ZSCAN31: variants seen among roughly 807,000 people sequenced by gnomAD.
ZSCAN31 encodes zinc finger and SCAN domain containing 31.
Under a neutral mutation model 22.5 loss-of-function variants are expected in ZSCAN31, and 14 were observed. The observed-to-expected ratio is 0.62, with a 90% CI of 0.41 to 0.97. The LOEUF is 0.97. ZSCAN31 is among the 50% of genes least tolerant of loss of function. ZSCAN31 has a pLI of 0.00. For synonymous variants in ZSCAN31, 168 were observed against 169.8 expected (o/e 0.99, Z 0.08); for missense variants, 424 against 483.4 (o/e 0.88, Z 1.15).
At chr6:28,336,579 G>C (rs1296945903), upstream of ZSCAN31, among the ~76,000 whole-genome samples, 1 of 151,260 alleles carries the variant, frequency 6.6e-6, no homozygotes, top group Non-Finnish European at 1.5e-5. Flanking sequence ...TGGCTAGTTG[G>C]AACTGTTTGG....
At chr6:28,335,466 G>A (rs73742536) in intron 1 of ZSCAN31, 15,129 of 152,278 alleles carry the variant, frequency 0.099, 1,111 homozygotes, top group East Asian at 0.31. Flanking sequence ...GTATGGACAC[G>A]GTGGGTTCTG....
chr6:28,327,571 T>TTATAGGAGTACA (rs755389534), intron 2 of ZSCAN31, 38 bp from the exon 3 acceptor site: 3 of 1,599,286 alleles, frequency 1.9e-6, no homozygotes, highest in Non-Finnish European at 2.6e-6. Context: ...AAGAGGGGGA[T>TTATAGGAGTACA]TATAGGAGTA....
intron 2 of ZSCAN31, among the ~76,000 whole-genome samples, chr6:28,348,320 A>C (rs1764736646): frequency 6.6e-6 from 1 of 152,212 alleles, no homozygotes. Flanking sequence ...AAATGATTCT[A>C]TAGAAGCAAA....
At chr6:28,352,489 G>C (rs921587116) in intron 2 of ZSCAN31, among the ~76,000 whole-genome samples, 3 of 152,050 alleles carry the variant, frequency 2.0e-5, no homozygotes, top group Non-Finnish European at 4.4e-5. Flanking sequence ...CTGACCCCAG[G>C]AAATCTGCCT....
In ZSCAN31 at chr6:28,329,552, C is replaced by G. The variant is rs1245491847; in HGVS notation, c.132G>C (p.Gln44His). ...GACCAGGAGTCTCTTGGTAACAAAA[C>G]TGCCTAAAAAGTTGTCGGGAGGCTT... Reference protein sequence around the residue: ...GQEASRQLFRQFCYQETPGPR... With the variant: ...GQEASRQLFRHFCYQETPGPR... Residue 44 changes from glutamine to histidine, a missense_variant, in exon 2 of 4, where the codon CAG becomes CAC. By Grantham distance (24) the Gln-to-His change is conservative (BLOSUM62 0). Transcript: ENST00000344279. The G allele has an allele frequency of 6.2e-7, 1 of 1,614,234 alleles. No homozygotes were observed.
chr6:28,355,266 A>C (rs1474018929), upstream of ZSCAN31: 1 of 152,178 alleles, frequency 6.6e-6, no homozygotes, highest in Non-Finnish European at 1.5e-5. Flanking sequence ...CCCACTTTAC[A>C]AAAGTGGATG....
At chr6:28,330,187 C>A (rs1432464924) in intron 1 of ZSCAN31, among the ~76,000 whole-genome samples, 1 of 152,136 alleles carries the variant, frequency 6.6e-6, no homozygotes, top group African/African-American at 2.4e-5. Context: ...AGCCAGATCA[C>A]CCCAGTGGAG....
At chr6:28,345,146 A>G (rs1002132426) in intron 2 of ZSCAN31, among the ~76,000 whole-genome samples, 3 of 79,072 alleles carry the variant, frequency 3.8e-5, no homozygotes, top group Admixed American at 2.2e-4. Context: ...CTGTGTCTCA[A>G]AAAAAAAAAA....
chr6:28,331,870 A>G lies in ZSCAN31; in HGVS notation c.-95-2092T>C, dbSNP rs1581675142. Among the ~76,000 whole-genome samples the G allele has an allele frequency of 2.6e-5, 4 of 152,304 alleles. No individual in the cohort carries two copies. The highest frequency in any genetic ancestry group is 9.6e-5 in the African/African-American group (4 of 41,548). On this transcript the variant is annotated intron_variant, in intron 1 of 3. Coordinates refer to ENST00000344279, the MANE Select transcript of ZSCAN31 (RefSeq NM_030899.5). The surrounding 1 kb of genome is among the most constrained non-coding windows in gnomAD (Gnocchi z 4.8). ...TACAGGCAATCTCTCACATACCCAA[A>G]GCCACAGGTGGAGTATTTCTCCATC...
chr6:28,329,389 C>T lies in ZSCAN31; in HGVS notation c.295G>A (p.Val99Met), dbSNP rs1226170144. The change falls in exon 2 of 4, where the codon GTG becomes ATG. Residue 99 changes from valine to methionine, a missense_variant. Val to Met is a conservative substitution (Grantham distance 21). Coordinates refer to ENST00000344279, the MANE Select transcript of ZSCAN31 (RefSeq NM_030899.5). ...CCACTCTCCGGATGGTGCTCCCGCA[C>T]CCAGGCCTGGAGCTCCTCAGGCAGG... is the stretch of plus-strand genomic sequence containing the variant. ...TILPEELQAW[V>M]REHHPESGEE... 5.6e-6 allele frequency: 9 copies of T among 1,614,210 alleles called. No individual in the cohort carries two copies. Among genetic ancestry groups the T allele is most frequent in the Non-Finnish European group, 7.6e-6 (9 of 1,180,036 alleles).
rs1052374044 is a variant in ZSCAN31, at chr6:28,326,573, A to G, written c.814T>C (p.Cys272Arg). The change falls in exon 4 of 4, where the codon TGT (cysteine) becomes CGT (arginine). Residue 272 changes from cysteine to arginine, a missense_variant. Physicochemically the swap from Cys to Arg is radical, Grantham distance 180. Coordinates refer to ENST00000344279, the MANE Select transcript of ZSCAN31 (RefSeq NM_030899.5). ...TGEKPYECEE[C>R]GKAFSRRSSL... is the part of the protein sequence containing the mutation. The stretch of plus-strand genomic sequence containing the variant: ...GACCTCCGGCTGAAGGCCTTCCCAC[A>G]TTCTTCACATTCATATGGCTTCTCC... 6.2e-7 allele frequency: 1 copy of G among 1,614,162 alleles called. No homozygotes were observed. Among genetic ancestry groups the G allele is most frequent in the Non-Finnish European group, 8.5e-7 (1 of 1,180,024 alleles).
At position 28,326,060 on chromosome 6, in the gene ZSCAN31, G is replaced by C; in HGVS notation, c.*106C>G. ...CTTTCCAAGACGGCCCCATTTAGGG[G>C]TCTGAGGGTCCACAGAATTAGTCCA... is the stretch of plus-strand genomic sequence containing the variant. On this transcript the variant is annotated 3_prime_UTR_variant, in exon 4 of 4. Transcript: ENST00000344279. The C allele has an allele frequency of 9.4e-7, 1 of 1,065,570 alleles. No individual in the cohort carries two copies. Among genetic ancestry groups the C allele is most frequent in the South Asian group, 1.6e-5 (1 of 63,702 alleles). The allele number at this position is 1,065,570 out of a possible 1,614,324, so 66.0% of individuals were successfully genotyped here.
At chr6:28,346,453 G>A (rs1394234080) in intron 2 of ZSCAN31, among the ~76,000 whole-genome samples, 1 of 147,584 alleles carries the variant, frequency 6.8e-6, no homozygotes, top group Non-Finnish European at 1.5e-5. Flanking sequence ...TGCCTCCCAG[G>A]TTCAAGCGAT....
At position 28,349,937 on chromosome 6, in the gene ZSCAN31, C is replaced by A. The variant is rs9468346; in HGVS notation, c.-371+3925G>T. The A allele has an allele frequency of 0.018, 2,736 of 152,298 alleles. 27 individuals are homozygous for A. Among genetic ancestry groups the A allele is most frequent in the Admixed American group, 0.027 (412 of 15,300 alleles). The allele number at this position is 152,298 out of a possible 1,614,324, so 9.4% of individuals were successfully genotyped here. A position where few individuals can be genotyped will look rare whatever the true frequency, so the allele number is the denominator to read the frequency against. Reference sequence around the variant, plus strand: ...GAAGTGGCTTCTGTGCCCCGCCCTGCGGGTGGTTTGCTAGTTTCAAGCACT... The same window carrying A: ...GAAGTGGCTTCTGTGCCCCGCCCTGAGGGTGGTTTGCTAGTTTCAAGCACT... On this transcript the variant is annotated intron_variant, in intron 2 of 7. Transcript: ENST00000396838. This position sits in a 1 kb window ranked among gnomAD's most constrained non-coding sequence, Gnocchi z 4.1.
chr6:28,344,939 G>T (rs1416724721), intron 2 of ZSCAN31, among the ~76,000 whole-genome samples: 7 of 150,684 alleles, frequency 4.6e-5, no homozygotes, highest in African/African-American at 1.7e-4. Flanking sequence ...AGATCAGTCT[G>T]GTCAACATGG....
At chr6:28,327,001 G>A (rs1047392647) in intron 3 of ZSCAN31, 147 bp from the exon 4 acceptor site, 22 of 836,132 alleles carry the variant, frequency 2.6e-5, no homozygotes, top group Admixed American at 2.3e-4. Flanking sequence ...GTTAAACAGG[G>A]ATGTTTAGGC....
Position 28,349,009 on chromosome 6 carries a change from AC to A in ZSCAN31, c.-371+4852del. On this transcript the variant is annotated intron_variant, in intron 2 of 7. Coordinates refer to the ZSCAN31 transcript ENST00000396838. The surrounding 1 kb of genome is among the most constrained non-coding windows in gnomAD (Gnocchi z 4.1). ...ATAGGTGTATATACATGTCTCATAT[AC>A]ATAGGTGTATATACATGTCTCATAT... is the stretch of plus-strand genomic sequence containing the variant. Among the ~76,000 whole-genome samples the A allele has an allele frequency of 2.2e-5, 3 of 133,808 alleles. No homozygotes were observed. In the Admixed American group the frequency reaches 2.3e-4, roughly 10 times the overall value. The allele number at this position is 133,808 out of a possible 152,430, so 87.8% of individuals were successfully genotyped here. A position where few individuals can be genotyped will look rare whatever the true frequency, so the allele number is the denominator to read the frequency against.
chr6:28,334,337 G>A (rs1299193833), intron 1 of ZSCAN31, among the ~76,000 whole-genome samples: 1 of 152,154 alleles, frequency 6.6e-6, no homozygotes, highest in Non-Finnish European at 1.5e-5. Context: ...AAGTGTTTAC[G>A]AGGTGTCAGA....
chr6:28,327,161 T>C (rs1763346095), intron 3 of ZSCAN31, among the ~76,000 whole-genome samples: 1 of 152,192 alleles, frequency 6.6e-6, no homozygotes, highest in African/African-American at 2.4e-5. Context: ...ACTTTTTAAA[T>C]CTCAAATGAC....
Sources: allele counts gnomAD v4.1 joint callset (sites outside exome capture counted in the v4.1 genomes callset), GRCh38; gene constraint gnomAD v4.1.1; non-coding constraint Gnocchi (gnomAD v3.1); transcripts MANE v1.5; gene names NCBI Gene and HGNC (gene_info 2026-07-23, HGNC 2026-07-21).